The following NT5C2 variants were observed in gnomAD, a reference collection of about 807,000 sequenced individuals.
NT5C2 encodes the protein cytosolic purine 5'-nucleotidase.
In NT5C2, 58 loss-of-function variants were observed where a neutral mutation model predicts 76.1. The observed-to-expected ratio is 0.76, with a 90% CI of 0.62 to 0.95. The LOEUF is 0.95. Ranked by LOEUF, NT5C2 falls within the 40% of genes least tolerant of loss-of-function variation. NT5C2 has a pLI of 0.00. For missense variants in NT5C2, 478 were observed against 690.3 expected, an observed-to-expected ratio of 0.69 and a Z score of 3.45; for synonymous variants, 229 against 237.4, an observed-to-expected ratio of 0.96 and a Z score of 0.32.
intron 11 of NT5C2, 90 bp downstream of exon 11, chr10:103,097,201 T>C: frequency 1.0e-6 from 1 of 985,204 alleles, no homozygotes; most frequent in Non-Finnish European, 1.5e-6. Flanking sequence ...TATTTTCACT[T>C]AATAAACTTC....
At chr10:103,183,307 C>T in intron 1 of NT5C2, among the ~76,000 whole-genome samples, 3 of 82,214 alleles carry the variant, frequency 3.6e-5, no homozygotes, top group Non-Finnish European at 4.6e-5. Flanking sequence ...CACACTCCTT[C>T]CCTCCCCTCT....
intron 5 of NT5C2, 65 bp from the exon 6 acceptor site, chr10:103,105,866 T>G: frequency 8.9e-7 from 1 of 1,123,078 alleles, no homozygotes; most frequent in Admixed American, 1.7e-5. Flanking sequence ...TATGTAGTAG[T>G]ATTTAATCAT....
At chr10:103,110,458 AAAGC>A (rs756266865) in intron 4 of NT5C2, among the ~76,000 whole-genome samples, 1 of 152,190 alleles carries the variant, frequency 6.6e-6, no homozygotes, top group Non-Finnish European at 1.5e-5. Flanking sequence ...TTCATCTCAA[AAAGC>A]AAACAAACAA....
At position 103,158,233 on chromosome 10, in the gene NT5C2, T is replaced by C. The variant is rs1211649388; in HGVS notation, c.101+16625A>G. Reference sequence around the variant, plus strand: ...CATTGGGGTACAGCAAAAGCAGTGCTCAGAAGAAAATTTATAGCTGTAAAT... The same window carrying C: ...CATTGGGGTACAGCAAAAGCAGTGCCCAGAAGAAAATTTATAGCTGTAAAT... On this transcript the variant is annotated intron_variant, in intron 3 of 18. Coordinates refer to ENST00000404739, the MANE Select transcript of NT5C2 (RefSeq NM_001351169.2). 5.9e-5 allele frequency among the ~76,000 whole-genome samples: 9 copies of C among 151,848 alleles called. 1 individual carries two copies. The highest frequency in any genetic ancestry group is 5.9e-4 in the Admixed American group (9 of 15,252).
At chr10:103,193,179 C>T (rs561555440) in intron 1 of NT5C2, 57 bp downstream of exon 1, 1 of 152,476 alleles carries the variant, frequency 6.6e-6, no homozygotes, top group South Asian at 1.9e-4. Context: ...ACCTCCCCAC[C>T]TAGCTCCCCG....
intron 4 of NT5C2, among the ~76,000 whole-genome samples, chr10:103,129,061 T>G (rs2077339678): frequency 8.7e-6 from 1 of 114,442 alleles, no homozygotes; most frequent in Non-Finnish European, 1.9e-5. Flanking sequence ...AGCCGTGCCA[T>G]CCGGGAGGGA....
At chr10:103,165,346 A>T (rs2086097433) in intron 3 of NT5C2, among the ~76,000 whole-genome samples, 1 of 152,146 alleles carries the variant, frequency 6.6e-6, no homozygotes, top group Non-Finnish European at 1.5e-5. Flanking sequence ...ATACAAAATT[A>T]GCCTGGCGTG....
chr10:103,146,436 G>A (rs1451084354), intron 3 of NT5C2: 1 of 985,042 alleles, frequency 1.0e-6, no homozygotes, highest in Non-Finnish European at 1.2e-6. Flanking sequence ...TTTCCTTATG[G>A]GCTTGCATAA....
intron 15 of NT5C2, among the ~76,000 whole-genome samples, chr10:103,092,171 G>C (rs1180084181): frequency 6.6e-6 from 1 of 152,142 alleles, no homozygotes; most frequent in Non-Finnish European, 1.5e-5. Flanking sequence ...TTGTCAGTCT[G>C]GGTTCCTCAA....
At chr10:103,102,668 G>A (rs959758780) in intron 6 of NT5C2, among the ~76,000 whole-genome samples, 3 of 151,844 alleles carry the variant, frequency 2.0e-5, no homozygotes, top group African/African-American at 4.8e-5. Flanking sequence ...TTTGGCTGGG[G>A]GAACATTAAA....
intron 6 of NT5C2, 80 bp from the exon 7 acceptor site, chr10:103,101,406 C>T: frequency 3.6e-6 from 3 of 822,104 alleles, no homozygotes; most frequent in Non-Finnish European, 5.8e-6. Context: ...CAAAAATTAA[C>T]TCAAATATTT....
chr10:103,095,656 T>C (rs1304116429), intron 12 of NT5C2, among the ~76,000 whole-genome samples: 1 of 152,246 alleles, frequency 6.6e-6, no homozygotes, highest in African/African-American at 2.4e-5. Flanking sequence ...TAGAACTTCT[T>C]GGGCATAAAA....
At chr10:103,147,020 TA>T (rs1565179840) in intron 3 of NT5C2, among the ~76,000 whole-genome samples, 1 of 152,366 alleles carries the variant, frequency 6.6e-6, no homozygotes, top group African/African-American at 2.4e-5. Flanking sequence ...AATGTAGTAA[TA>T]AAAAAGGTAG....
chr10:103,156,170 A>G (rs573488063), intron 3 of NT5C2, among the ~76,000 whole-genome samples: 1 of 152,196 alleles, frequency 6.6e-6, no homozygotes, highest in African/African-American at 2.4e-5. Context: ...CTTGAAAAAA[A>G]AATTTTTTTG....
At chr10:103,147,089 C>T (rs1196587114) in intron 3 of NT5C2, among the ~76,000 whole-genome samples, 2 of 152,140 alleles carry the variant, frequency 1.3e-5, no homozygotes, top group East Asian at 3.9e-4. Context: ...TAAACGTGTC[C>T]ATTTGAAACA....
chr10:103,151,477 A>AAC (rs2082394844), intron 3 of NT5C2, among the ~76,000 whole-genome samples: 3 of 151,746 alleles, frequency 2.0e-5, no homozygotes, highest in Admixed American at 1.3e-4. Flanking sequence ...AAAAAAAAAA[A>AAC]AACACTAGCC....
intron 3 of NT5C2, among the ~76,000 whole-genome samples, chr10:103,169,619 A>C (rs1591703697): frequency 1.3e-5 from 1 of 74,350 alleles, no homozygotes; most frequent in Non-Finnish European, 3.7e-5. Flanking sequence ...ACCCTGTCTC[A>C]AAAAAAATTA....
intron 16 of NT5C2, 101 bp from the exon 17 acceptor site, chr10:103,091,097 T>G: frequency 9.8e-6 from 10 of 1,018,222 alleles, no homozygotes; most frequent in Non-Finnish European, 1.3e-5. Flanking sequence ...TGCAGGGGTG[T>G]GATCGCGGCT....
intron 6 of NT5C2, among the ~76,000 whole-genome samples, chr10:103,104,353 G>A (rs2070625415): frequency 6.6e-6 from 1 of 152,216 alleles, no homozygotes; most frequent in African/African-American, 2.4e-5. Context: ...TTATCCAACT[G>A]CTTCTCTTTT....
Sources: gnomAD v4.1 joint callset for allele counts (sites outside exome capture counted in the v4.1 genomes callset) on GRCh38, gnomAD v4.1.1 for gene constraint, MANE v1.5 for transcripts, NCBI Gene and HGNC (gene_info 2026-07-23, HGNC 2026-07-21) for gene names.